Variants in TRIM37 observed in about 807,000 individuals in gnomAD.
TRIM37 encodes the protein E3 ubiquitin-protein ligase TRIM37.
TRIM37 carries 80 observed loss-of-function variants against 129.8 expected under a neutral mutation model. The observed-to-expected ratio is 0.62, with a 90% CI of 0.51 to 0.74. The LOEUF is 0.74. Ranked by LOEUF, TRIM37 falls within the 30% of genes least tolerant of loss-of-function variation. The probability of loss-of-function intolerance (pLI) is 0.00; values close to 1 mark genes in which losing one functional copy is unlikely to be tolerated. For synonymous variants in TRIM37, 389 were observed against 387.1 expected, an observed-to-expected ratio of 1.00 and a Z score of -0.06; for missense variants, 1,054 against 1,176.5, an observed-to-expected ratio of 0.90 and a Z score of 1.52.
At chr17:59,076,707 C>T (rs571976141) in intron 7 of TRIM37, among the ~76,000 whole-genome samples, 17 of 152,296 alleles carry the variant, frequency 1.1e-4, no homozygotes, top group Non-Finnish European at 2.4e-4. Flanking sequence ...GGAAGTACAT[C>T]CATGAGGACA....
At chr17:59,100,370 T>C (rs1240152009) in intron 2 of TRIM37, among the ~76,000 whole-genome samples, 1 of 152,144 alleles carries the variant, frequency 6.6e-6, no homozygotes, top group Admixed American at 6.5e-5. Flanking sequence ...GGTGAATGCA[T>C]AAACAAATTG....
intron 20 of TRIM37, among the ~76,000 whole-genome samples, 163 bp from the exon 21 acceptor site, chr17:59,015,962 C>G (rs1402197764): frequency 2.0e-5 from 3 of 151,056 alleles, no homozygotes; most frequent in Non-Finnish European, 3.0e-5. Context: ...GACAACAGAG[C>G]AAGACTCTGT....
chr17:58,985,891 AAAG>A lies in TRIM37; in HGVS notation c.2892-2973_2892-2971del, dbSNP rs60769905. ...TTGAGAAAAAAAAGGTGAAGTTTTG[AAAG>A]AAGGACATATTTGAAGGGGTTTACT... On this transcript the variant is annotated intron_variant, in intron 24 of 24. Transcript: ENST00000393066. 9.0e-3 allele frequency among the ~76,000 whole-genome samples: 1,373 copies of A among 152,314 alleles called. 25 individuals are homozygous for A. The highest frequency in any genetic ancestry group is 0.03 in the African/African-American group (1,267 of 41,554).
Position 59,106,434 on chromosome 17 carries a change from C to T in TRIM37, c.21+7G>A. ...GGGACTAACCACCACCCTCACAACCCCCTCACCTCCACGCTCTGTTCATCC... is the reference window on the plus strand; with the variant it reads ...GGGACTAACCACCACCCTCACAACCTCCTCACCTCCACGCTCTGTTCATCC... On this transcript the variant is annotated splice_region_variant and intron_variant, in intron 1 of 23. Transcript: ENST00000262294. The T allele has an allele frequency of 6.2e-7, 1 of 1,613,626 alleles. No individual in the cohort carries two copies. The highest frequency in any genetic ancestry group is 8.5e-7 in the Non-Finnish European group (1 of 1,179,556).
At chr17:59,073,124 C>A (rs1181202237) in intron 8 of TRIM37, 1 of 152,176 alleles carries the variant, frequency 6.6e-6, no homozygotes, top group Non-Finnish European at 1.5e-5. Context: ...ACCATTTCTT[C>A]CAAAAGCAAC....
chr17:58,978,252 TAA>T (rs940945335), downstream of TRIM37, among the ~76,000 whole-genome samples: 4 of 152,242 alleles, frequency 2.6e-5, no homozygotes. Flanking sequence ...CTGGTGTCCT[TAA>T]CCACTAAGCA....
intron 3 of TRIM37, among the ~76,000 whole-genome samples, chr17:59,089,505 G>A (rs1219243132): frequency 2.0e-5 from 3 of 152,024 alleles, no homozygotes; most frequent in Non-Finnish European, 2.9e-5. Context: ...GCTGGGCGTG[G>A]TGGCACGTGC....
intron 2 of TRIM37, among the ~76,000 whole-genome samples, chr17:59,103,603 G>A (rs1170874542): frequency 1.3e-5 from 2 of 150,276 alleles, no homozygotes; most frequent in East Asian, 3.9e-4. Flanking sequence ...GCCTCCCAAA[G>A]TGCTGGGATT....
chr17:59,052,537 A>G (rs1470216965), intron 13 of TRIM37, among the ~76,000 whole-genome samples: 1 of 152,232 alleles, frequency 6.6e-6, no homozygotes, highest in Non-Finnish European at 1.5e-5. Context: ...AGGACAGAAC[A>G]TAAACACTGA....
rs1194656475 is a variant in TRIM37 at position 58,991,710 on chromosome 17, G to A, written c.2891+7671C>T. Among the ~76,000 whole-genome samples the A allele has an allele frequency of 2.6e-5, 4 of 152,164 alleles. No homozygotes were observed. In the East Asian group the frequency reaches 7.7e-4, roughly 29 times the overall value. Reference sequence around the variant, plus strand: ...TATTAGAATGGCTAAAAAATGGCTGGTTAGCTCAGTTGGTTAGAAGAAAAA... The same window carrying A: ...TATTAGAATGGCTAAAAAATGGCTGATTAGCTCAGTTGGTTAGAAGAAAAA... On this transcript the variant is annotated intron_variant, in intron 24 of 24. Coordinates refer to the TRIM37 transcript ENST00000393066.
At position 58,998,588 on chromosome 17, in the gene TRIM37, T is replaced by C. The variant is rs1483656270; in HGVS notation, c.*789A>G. 4.1e-6 allele frequency: 4 copies of C among 985,214 alleles called. No individual in the cohort carries two copies. Among genetic ancestry groups the C allele is most frequent in the Non-Finnish European group, 4.8e-6 (4 of 829,922 alleles). The allele number at this position is 985,214 out of a possible 1,614,324, so 61.0% of individuals were successfully genotyped here. Reference sequence around the variant, plus strand: ...GACACTGAAATCAATGTACAACTAATGAAAATAAAGAAGAAAAGGGGGCTT... The same window carrying C: ...GACACTGAAATCAATGTACAACTAACGAAAATAAAGAAGAAAAGGGGGCTT... On this transcript the variant is annotated 3_prime_UTR_variant, in exon 24 of 24. Transcript: ENST00000262294.
chr17:59,044,984 A>G (rs1012583174), intron 16 of TRIM37, among the ~76,000 whole-genome samples: 6 of 151,902 alleles, frequency 3.9e-5, no homozygotes, highest in African/African-American at 1.5e-4. Context: ...GGGAGCTATA[A>G]TCATGCCACC....
chr17:59,015,731 C>T lies in TRIM37; in HGVS notation c.2455G>A (p.Gly819Ser), dbSNP rs765409322. ...TCTTCAGTTTTTGGCAGAATATCAC[C>T]GATACTGCCATGTATCAAGGCTCGG... ...SPRALIHGSI[G>S]DILPKTEDRQ... The change falls in exon 21 of 24, where the codon GGT becomes AGT. Residue 819 changes from glycine to serine, a missense_variant. Around this residue, in one of 3 missense-constraint regions of TRIM37, gnomAD observed 287 missense variants for 274.3 expected, o/e 1.05. Transcript: ENST00000262294. The T allele has an allele frequency of 6.2e-6, 10 of 1,614,060 alleles. No homozygotes were observed. The highest frequency in any genetic ancestry group is 2.2e-5 in the East Asian group (1 of 44,878).
rs1000568960 is a variant in TRIM37, at chr17:59,001,215, GA to G, written c.2812+382del. Among the ~76,000 whole-genome samples, 282 of 130,492 alleles carry G rather than the reference GA, an allele frequency of 2.2e-3. 2 individuals are homozygous for G. Among genetic ancestry groups the G allele is most frequent in the African/African-American group, 4.9e-3 (172 of 35,158 alleles). The allele number at this position is 130,492 out of a possible 152,430, so 85.6% of individuals were successfully genotyped here. A position where few individuals can be genotyped will look rare whatever the true frequency, so the allele number is the denominator to read the frequency against. On this transcript the variant is annotated intron_variant, in intron 23 of 23. Transcript: ENST00000262294. Reference sequence around the variant, plus strand: ...ATCTCGGGGCAAAAAAAAAAAAAAAGAAAAAAAAAACCCACAAAGAAAATTC... The same window carrying G: ...ATCTCGGGGCAAAAAAAAAAAAAAAGAAAAAAAAACCCACAAAGAAAATTC...
chr17:59,009,447 T>TC (rs1555637519), intron 22 of TRIM37, among the ~76,000 whole-genome samples: 7 of 120,590 alleles, frequency 5.8e-5, no homozygotes, highest in South Asian at 6.2e-4. Context: ...TCTTTTCTTT[T>TC]TTTTTTTTTT....
chr17:58,991,617 A>G (rs2071956772), intron 24 of TRIM37, among the ~76,000 whole-genome samples: 1 of 152,228 alleles, frequency 6.6e-6, no homozygotes, highest in Admixed American at 6.5e-5. Flanking sequence ...ATTTCAGACC[A>G]GGATCGCTCT....
At chr17:59,081,937 C>CAAAAAAAAAAAAAAA (rs1157296161) in intron 5 of TRIM37, among the ~76,000 whole-genome samples, 1 of 48,900 alleles carries the variant, frequency 2.0e-5, no homozygotes, top group Non-Finnish European at 4.2e-5. Context: ...TAATAAAAAC[C>CAAAAAAAAAAAAAAA]AAAAAAAAAA....
intron 22 of TRIM37, among the ~76,000 whole-genome samples, chr17:59,010,736 G>T (rs907421308): frequency 2.6e-5 from 4 of 151,908 alleles, no homozygotes; most frequent in Non-Finnish European, 5.9e-5. Context: ...CAAGTGATCC[G>T]CCTGCCTCAG....
chr17:58,981,463 T>TTTGG (rs2031351480), downstream of TRIM37: 1 of 154,932 alleles, frequency 6.5e-6, no homozygotes, highest in Admixed American at 6.4e-5. Context: ...CTGAATTACA[T>TTTGG]TTGGTTGGGA....
Sources: gnomAD v4.1 joint callset for allele counts (sites outside exome capture counted in the v4.1 genomes callset) on GRCh38, gnomAD v4.1.1 for gene constraint, gnomAD v4.1.1 regional missense constraint, MANE v1.5 for transcripts, NCBI Gene and HGNC (gene_info 2026-07-23, HGNC 2026-07-21) for gene names.